Variants in RALYL observed in about 807,000 individuals in gnomAD.
RALYL encodes RNA-binding Raly-like protein.
Under a neutral mutation model 35.1 loss-of-function variants are expected in RALYL, and 29 were observed. The ratio of observed to expected loss-of-function variants is 0.83; its 90% CI spans 0.61 to 1.13. The LOEUF is 1.13. Among genes scored for constraint, RALYL ranks in the 50% most tolerant of loss-of-function variants. RALYL has a pLI of 0.00. For missense variants in RALYL, 359 were observed against 360.4 expected (o/e 1.00, Z 0.03); for synonymous variants, 120 against 127.6 (o/e 0.94, Z 0.40).
At chr8:84,591,925 T>C (rs573779478) in intron 2 of RALYL, among the ~76,000 whole-genome samples, 1 of 152,324 alleles carries the variant, frequency 6.6e-6, no homozygotes, top group South Asian at 2.1e-4. Context: ...GTGGCTTTTA[T>C]TTCTTGATAG....
At chr8:84,385,093 A>T (rs1208860729) in intron 1 of RALYL, among the ~76,000 whole-genome samples, 1 of 151,858 alleles carries the variant, frequency 6.6e-6, no homozygotes, top group Non-Finnish European at 1.5e-5. Flanking sequence ...TTAATCCTTT[A>T]GTCAGCTTTT....
At chr8:84,839,332 G>T (rs189115597) in intron 4 of RALYL, among the ~76,000 whole-genome samples, 16 of 152,366 alleles carry the variant, frequency 1.1e-4, no homozygotes, top group Admixed American at 7.8e-4. Context: ...TCCCGCACCT[G>T]GCTCGGAAGG....
chr8:84,578,672 G>A (rs975080135), intron 2 of RALYL, among the ~76,000 whole-genome samples: 3 of 152,032 alleles, frequency 2.0e-5, no homozygotes, highest in Non-Finnish European at 2.9e-5. Context: ...CCACAGGCAC[G>A]TTGTCCTGAC....
intron 3 of RALYL, among the ~76,000 whole-genome samples, chr8:84,776,081 G>C (rs1816768655): frequency 6.6e-6 from 1 of 152,162 alleles, no homozygotes; most frequent in South Asian, 2.1e-4. Flanking sequence ...ATATCATTTG[G>C]ATAAAGGAGA....
chr8:84,564,692 T>A (rs1408862925), intron 2 of RALYL, among the ~76,000 whole-genome samples: 1 of 151,670 alleles, frequency 6.6e-6, no homozygotes, highest in Admixed American at 6.6e-5. Flanking sequence ...TAAAGGCTTC[T>A]AAAATTATTG....
chr8:84,517,817 G>A (rs901120499), intron 1 of RALYL, among the ~76,000 whole-genome samples: 22 of 152,046 alleles, frequency 1.4e-4, no homozygotes, highest in Non-Finnish European at 2.8e-4. Flanking sequence ...CCTCTTATAT[G>A]CCAAATACTG....
intron 2 of RALYL, among the ~76,000 whole-genome samples, chr8:84,608,595 C>G (rs1313878248): frequency 6.6e-6 from 1 of 152,094 alleles, no homozygotes; most frequent in African/African-American, 2.4e-5. Flanking sequence ...TGCATTTGCT[C>G]CATATTACTC....
intron 2 of RALYL, among the ~76,000 whole-genome samples, chr8:84,658,600 T>A (rs1564324529): frequency 6.6e-6 from 1 of 152,110 alleles, no homozygotes; most frequent in Non-Finnish European, 1.5e-5. Context: ...TTGTGTAAGA[T>A]GATGGATAGA....
chr8:84,827,981 T>A lies in RALYL; in HGVS notation c.366-21999T>A, dbSNP rs992560751. ...AACATTTAAATTGTTTTACTTTGAA[T>A]CTCCTCACATTTTATAAGTTAGTTT... On this transcript the variant is annotated intron_variant, in intron 4 of 8. Coordinates refer to ENST00000521268, the MANE Select transcript of RALYL (RefSeq NM_173848.7). 2.0e-5 allele frequency among the ~76,000 whole-genome samples: 3 copies of A among 151,986 alleles called. No homozygotes were observed. The East Asian group carries it at 5.8e-4, about 29-fold the overall frequency.
chr8:84,598,784 A>G (rs749998910), intron 2 of RALYL, among the ~76,000 whole-genome samples: 1 of 152,174 alleles, frequency 6.6e-6, no homozygotes, highest in Non-Finnish European at 1.5e-5. Flanking sequence ...TACAATAAAT[A>G]TAGGAGTGCA....
At chr8:84,473,473 T>C (rs1157776832) in intron 1 of RALYL, among the ~76,000 whole-genome samples, 1 of 151,874 alleles carries the variant, frequency 6.6e-6, no homozygotes, top group Non-Finnish European at 1.5e-5. Flanking sequence ...TGATATAGAA[T>C]AATCAAATGC....
At chr8:84,390,055 G>C (rs867313850) in intron 1 of RALYL, among the ~76,000 whole-genome samples, 5 of 152,026 alleles carry the variant, frequency 3.3e-5, no homozygotes, top group African/African-American at 4.8e-5. Flanking sequence ...TTGCATGAAG[G>C]GCTGTTGAAT....
At chr8:84,503,017 TAGTA>T (rs1276100381) in intron 1 of RALYL, among the ~76,000 whole-genome samples, 1 of 152,076 alleles carries the variant, frequency 6.6e-6, no homozygotes, top group African/African-American at 2.4e-5. Context: ...TAATCAGTTT[TAGTA>T]ATGGAATAAG....
chr8:84,712,042 T>C (rs1012839634), intron 2 of RALYL, among the ~76,000 whole-genome samples: 2 of 152,134 alleles, frequency 1.3e-5, no homozygotes, highest in Non-Finnish European at 2.9e-5. Flanking sequence ...TTAGGCTTGA[T>C]TGGTAAAGGC....
chr8:84,578,759 G>C (rs1456739056), intron 2 of RALYL, among the ~76,000 whole-genome samples: 2 of 152,214 alleles, frequency 1.3e-5, no homozygotes, highest in East Asian at 3.9e-4. Context: ...AACAAGTCAA[G>C]GAGACCTGAA....
At chr8:84,669,767 G>A (rs1832857078) in intron 2 of RALYL, among the ~76,000 whole-genome samples, 1 of 151,872 alleles carries the variant, frequency 6.6e-6, no homozygotes, top group African/African-American at 2.4e-5. Flanking sequence ...TAATGGAGAA[G>A]GTGTGTCCCA....
intron 1 of RALYL, among the ~76,000 whole-genome samples, chr8:84,196,337 G>T (rs932004518): frequency 6.6e-6 from 1 of 152,246 alleles, no homozygotes; most frequent in African/African-American, 2.4e-5. Flanking sequence ...CCATGAACAA[G>T]CTTTCTCTAG....
intron 1 of RALYL, among the ~76,000 whole-genome samples, chr8:84,245,246 A>G (rs771037104): frequency 3.4e-4 from 51 of 152,172 alleles, no homozygotes; most frequent in Non-Finnish European, 6.8e-4. Context: ...AATTCTCGGA[A>G]AGGTAATCTG....
chr8:84,406,174 C>A (rs956088793), intron 1 of RALYL, among the ~76,000 whole-genome samples: 1 of 151,490 alleles, frequency 6.6e-6, no homozygotes, highest in African/African-American at 2.4e-5. Context: ...GCTTACATTT[C>A]CTAAGACATC....
Sources: allele counts gnomAD v4.1 joint callset (sites outside exome capture counted in the v4.1 genomes callset), GRCh38; gene constraint gnomAD v4.1.1; transcripts MANE v1.5; gene names NCBI Gene and HGNC (gene_info 2026-07-23, HGNC 2026-07-21).